The following FGF14 variants were observed in gnomAD, a reference collection of about 807,000 sequenced individuals.
FGF14 encodes fibroblast growth factor 14, also known as fibroblast growth factor homologous factor 4.
FGF14 carries 5 observed loss-of-function variants against 25.5 expected under a neutral mutation model. The observed-to-expected ratio is 0.20, with a 90% confidence interval of 0.10 to 0.41. The LOEUF (loss-of-function observed/expected upper bound fraction) is 0.41, where lower values mean the gene tolerates loss of function less well. FGF14 is among the 10% of genes least tolerant of loss of function. The pLI is 1.00. For synonymous variants in FGF14, 138 were observed against 118.3 expected (o/e 1.17, Z -1.08); for missense variants, 222 against 320.1 (o/e 0.69, Z 2.34).
intron 1 of FGF14, among the ~76,000 whole-genome samples, chr13:101,891,068 CT>C (rs1400714250): frequency 2.0e-5 from 3 of 152,068 alleles, no homozygotes; most frequent in Admixed American, 2.0e-4. Context: ...ACTTTTTCTT[CT>C]TTTGCTATTT....
At chr13:101,976,782 G>A (rs753395688) in intron 1 of FGF14, among the ~76,000 whole-genome samples, 6 of 152,172 alleles carry the variant, frequency 3.9e-5, no homozygotes, top group Non-Finnish European at 7.3e-5. Context: ...GGACTTCATT[G>A]AAAGGAAGAT....
chr13:102,366,127 C>T lies in FGF14; in HGVS notation c.208+35344G>A, dbSNP rs1043571561. 4.6e-5 allele frequency among the ~76,000 whole-genome samples: 7 copies of T among 152,174 alleles called. 1 individual carries two copies. Among genetic ancestry groups the T allele is most frequent in the Middle Eastern group, 6.8e-3 (2 of 294 alleles). ...ACCCAACACAAGGTTATTAAAACAG[C>T]GATATTAAGAGAATGTTAAATCAAA... On this transcript the variant is annotated intron_variant, in intron 1 of 4. Coordinates refer to the FGF14 transcript ENST00000376131.
At chr13:101,975,260 G>A (rs1566520202) in intron 1 of FGF14, among the ~76,000 whole-genome samples, 1 of 152,010 alleles carries the variant, frequency 6.6e-6, no homozygotes, top group Non-Finnish European at 1.5e-5. Context: ...ACCCCACAGG[G>A]CCCAGCTGCT....
chr13:102,166,851 G>T lies in FGF14; in HGVS notation c.208+234620C>A, dbSNP rs78918416. 7.4e-3 allele frequency among the ~76,000 whole-genome samples: 1,123 copies of T among 152,240 alleles called. 21 individuals are homozygous for T. Among genetic ancestry groups the T allele is most frequent in the African/African-American group, 0.026 (1,061 of 41,552 alleles). ...CGGAGATTCACAAGAACCTAGCCGT[G>T]TATTTCCTCTTGAAACAGAGGTTCA... On this transcript the variant is annotated intron_variant, in intron 1 of 4. Coordinates refer to the FGF14 transcript ENST00000376131.
At position 101,962,865 on chromosome 13, in the gene FGF14, C is replaced by T. The variant is rs1048954099; in HGVS notation, c.209-87569G>A. 3.3e-5 allele frequency among the ~76,000 whole-genome samples: 5 copies of T among 152,198 alleles called. No individual in the cohort carries two copies. In the East Asian group the frequency reaches 5.8e-4, roughly 18 times the overall value. Reference sequence around the variant, plus strand: ...GGTGATAAGAGCCCCTAACTTTGTCCTTTGCCGTGAAGATTAAGTGAATAA... The same window carrying T: ...GGTGATAAGAGCCCCTAACTTTGTCTTTTGCCGTGAAGATTAAGTGAATAA... On this transcript the variant is annotated intron_variant, in intron 1 of 4. Transcript: ENST00000376131.
intron 1 of FGF14, among the ~76,000 whole-genome samples, chr13:102,070,052 G>C (rs1175878170): frequency 6.6e-6 from 1 of 152,178 alleles, no homozygotes; most frequent in Non-Finnish European, 1.5e-5. Flanking sequence ...AAATTAAAAT[G>C]CTTCTACACA....
chr13:102,156,016 A>G (rs571272623), intron 1 of FGF14, among the ~76,000 whole-genome samples: 22 of 152,342 alleles, frequency 1.4e-4, no homozygotes, highest in African/African-American at 4.1e-4. Flanking sequence ...GGTAATAATT[A>G]ATAGCTTACC....
intron 3 of FGF14, among the ~76,000 whole-genome samples, chr13:101,744,485 G>T (rs1220979147): frequency 6.6e-6 from 1 of 151,978 alleles, no homozygotes; most frequent in Admixed American, 6.6e-5. Context: ...CAATTAGAGT[G>T]GGGACTTTGT....
intron 3 of FGF14, among the ~76,000 whole-genome samples, chr13:101,779,224 CT>C (rs1353980291): frequency 6.6e-6 from 1 of 152,190 alleles, no homozygotes; most frequent in Non-Finnish European, 1.5e-5. Flanking sequence ...GAATCACCCC[CT>C]TTAGTTATCT....
intron 1 of FGF14, among the ~76,000 whole-genome samples, chr13:102,136,805 T>C (rs1320362421): frequency 6.6e-6 from 1 of 152,210 alleles, no homozygotes; most frequent in East Asian, 1.9e-4. Flanking sequence ...CTTCTCCATG[T>C]TTATCTTAAC....
At chr13:102,068,249 C>T (rs1439520305) in intron 1 of FGF14, among the ~76,000 whole-genome samples, 1 of 152,214 alleles carries the variant, frequency 6.6e-6, no homozygotes, top group Non-Finnish European at 1.5e-5. Flanking sequence ...AATGAAGTAT[C>T]TTAAAGAAGA....
chr13:101,842,447 A>G (rs1278007277), intron 3 of FGF14, among the ~76,000 whole-genome samples: 1 of 152,046 alleles, frequency 6.6e-6, no homozygotes, highest in African/African-American at 2.4e-5. Context: ...GAAGCCCACA[A>G]GGGCAGGAGT....
intron 1 of FGF14, among the ~76,000 whole-genome samples, chr13:101,982,253 T>C (rs1175900919): frequency 6.6e-6 from 1 of 152,220 alleles, no homozygotes; most frequent in Non-Finnish European, 1.5e-5. Context: ...TTCTAATTAA[T>C]ACATGGTTTT....
intron 3 of FGF14, among the ~76,000 whole-genome samples, chr13:101,802,668 A>G (rs1159021007): frequency 6.6e-6 from 1 of 152,172 alleles, no homozygotes. Context: ...TCAAAATTAT[A>G]TGTATTTCCA....
intron 3 of FGF14, among the ~76,000 whole-genome samples, chr13:101,734,844 T>C (rs1246207535): frequency 2.0e-5 from 3 of 152,194 alleles, no homozygotes; most frequent in Non-Finnish European, 4.4e-5. Context: ...AAGATAAATA[T>C]AATTATTTAA....
chr13:102,018,761 G>T (rs543641526), intron 1 of FGF14, among the ~76,000 whole-genome samples: 1 of 149,844 alleles, frequency 6.7e-6, no homozygotes, highest in South Asian at 2.1e-4. Context: ...TCTCTAAGTT[G>T]TTCATCTACT....
intron 1 of FGF14, among the ~76,000 whole-genome samples, chr13:101,899,023 T>C (rs1462178201): frequency 6.6e-6 from 1 of 152,214 alleles, no homozygotes; most frequent in Non-Finnish European, 1.5e-5. Flanking sequence ...AGTTCAAGGC[T>C]TGCCAATAAA....
intron 1 of FGF14, chr13:102,394,677 C>G (rs898769593): frequency 6.6e-6 from 1 of 152,274 alleles, no homozygotes. Flanking sequence ...CGGTGATGGC[C>G]GGTCCCCGTG....
At chr13:101,824,312 T>A (rs2042299737) in intron 3 of FGF14, among the ~76,000 whole-genome samples, 1 of 152,198 alleles carries the variant, frequency 6.6e-6, no homozygotes, top group South Asian at 2.1e-4. Flanking sequence ...TATGATGGGC[T>A]TATATTTACT....
Sources: gnomAD v4.1 joint callset for allele counts (sites outside exome capture counted in the v4.1 genomes callset) on GRCh38, gnomAD v4.1.1 for gene constraint, MANE v1.5 for transcripts, NCBI Gene and HGNC (gene_info 2026-07-23, HGNC 2026-07-21) for gene names.